ASB3: variants seen among roughly 807,000 people sequenced by gnomAD.
ASB3 encodes ankyrin repeat and SOCS box protein 3.
Under a neutral mutation model 54.5 loss-of-function variants are expected in ASB3, and 41 were observed. The ratio of observed to expected loss-of-function variants is 0.75; its 90% CI spans 0.59 to 0.98. ASB3 has a LOEUF of 0.98. Ranked by LOEUF, ASB3 falls within the 50% of genes least tolerant of loss-of-function variation. The probability of loss-of-function intolerance (pLI) is 0.00; values close to 1 mark genes in which losing one functional copy is unlikely to be tolerated. For missense variants in ASB3, 733 were observed against 620.0 expected (o/e 1.18, Z -1.94); for synonymous variants, 266 against 221.2 (o/e 1.20, Z -1.80).
intron 1 of ASB3, among the ~76,000 whole-genome samples, chr2:53,775,508 T>C (rs1674277609): frequency 6.6e-6 from 1 of 152,212 alleles, no homozygotes; most frequent in African/African-American, 2.4e-5. Flanking sequence ...GGAGTATCGC[T>C]CTGTTGCCTA....
chr2:53,761,268 G>A (rs1413032819), intron 2 of ASB3, among the ~76,000 whole-genome samples: 1 of 152,144 alleles, frequency 6.6e-6, no homozygotes, highest in Non-Finnish European at 1.5e-5. Context: ...TACAGCATGA[G>A]GTAAAGAAAT....
chr2:53,681,113 T>G (rs1421433589), intron 9 of ASB3, among the ~76,000 whole-genome samples: 1 of 152,224 alleles, frequency 6.6e-6, no homozygotes, highest in Non-Finnish European at 1.5e-5. Flanking sequence ...GTATCACAGT[T>G]TCTTTATCCA....
intron 7 of ASB3, among the ~76,000 whole-genome samples, chr2:53,702,643 C>T (rs1427230555): frequency 6.6e-6 from 1 of 152,078 alleles, no homozygotes; most frequent in South Asian, 2.1e-4. Flanking sequence ...ACATCAGATA[C>T]TGAGAGGAGA....
intron 9 of ASB3, among the ~76,000 whole-genome samples, chr2:53,683,377 T>C (rs531324613): frequency 4.9e-4 from 74 of 152,292 alleles, no homozygotes; most frequent in Non-Finnish European, 2.6e-4. Context: ...TAGTATTTTG[T>C]TGAGTATCAA....
intron 2 of ASB3, among the ~76,000 whole-genome samples, chr2:53,756,158 C>G (rs1346418446): frequency 6.6e-6 from 1 of 151,650 alleles, no homozygotes; most frequent in South Asian, 2.1e-4. Context: ...AGAGTAAGAC[C>G]CCATCTCTTT....
chr2:53,758,264 C>T (rs937127611), intron 2 of ASB3, among the ~76,000 whole-genome samples: 3 of 152,156 alleles, frequency 2.0e-5, no homozygotes, highest in East Asian at 1.9e-4. Context: ...CAGTAACCCA[C>T]GGAAAAAGGC....
intron 3 of ASB3, chr2:53,748,338 C>A (rs997408756): frequency 1.3e-4 from 20 of 152,066 alleles, no homozygotes; most frequent in Admixed American, 3.9e-4. Flanking sequence ...ATGGAGATTG[C>A]GTATAGCTGA....
At chr2:53,678,168 T>C (rs921734708) in intron 9 of ASB3, among the ~76,000 whole-genome samples, 24 of 151,940 alleles carry the variant, frequency 1.6e-4, no homozygotes, top group African/African-American at 5.1e-4. Flanking sequence ...TGCATGTGTG[T>C]GCCTAAAATT....
intron 7 of ASB3, among the ~76,000 whole-genome samples, chr2:53,709,769 C>T (rs1051673131): frequency 6.6e-6 from 1 of 152,164 alleles, no homozygotes; most frequent in Non-Finnish European, 1.5e-5. Flanking sequence ...TTTCCTCCTC[C>T]TATTTGTGCT....
intron 1 of ASB3, chr2:53,767,640 G>T (rs1014020542): frequency 1.8e-5 from 9 of 505,358 alleles, no homozygotes; most frequent in African/African-American, 1.3e-4. Flanking sequence ...TGCTGCAAAA[G>T]AATCCATTGC....
chr2:53,730,172 C>T (rs868360459), intron 3 of ASB3, among the ~76,000 whole-genome samples: 2 of 152,086 alleles, frequency 1.3e-5, no homozygotes, highest in Non-Finnish European at 2.9e-5. Context: ...CAAAACTTTG[C>T]TATGAAGGTG....
chr2:53,744,384 C>CAAA lies in ASB3; in HGVS notation c.355+6396_355+6398dup, dbSNP rs779225958. 1.3e-4 allele frequency among the ~76,000 whole-genome samples: 18 copies of CAAA among 139,950 alleles called. 1 individual carries two copies. Among genetic ancestry groups the CAAA allele is most frequent in the East Asian group, 1.1e-3 (5 of 4,690 alleles). The allele number at this position is 139,950 out of a possible 152,430, so 91.8% of individuals were successfully genotyped here. ...GGGCAGACAGAGCGAGACTCTGTCT[C>CAAA]AAAAAAATAAATAAAAAAATTAAAA... is the stretch of plus-strand genomic sequence containing the variant. On this transcript the variant is annotated intron_variant, in intron 3 of 9. Transcript: ENST00000263634.
intron 1 of ASB3, among the ~76,000 whole-genome samples, chr2:53,769,412 T>G (rs1225243771): frequency 6.6e-6 from 1 of 152,248 alleles, no homozygotes; most frequent in Admixed American, 6.5e-5. Context: ...TATTTATGTA[T>G]GTGGCTATAA....
intron 7 of ASB3, among the ~76,000 whole-genome samples, chr2:53,702,992 A>G (rs528201036): frequency 1.2e-4 from 18 of 152,254 alleles, no homozygotes; most frequent in Admixed American, 3.3e-4. Flanking sequence ...CCCACACGAT[A>G]TGGTGGCTAG....
chr2:53,735,211 C>T (rs577023779), intron 3 of ASB3, among the ~76,000 whole-genome samples: 1 of 152,186 alleles, frequency 6.6e-6, no homozygotes, highest in African/African-American at 2.4e-5. Flanking sequence ...TGAGCCACCA[C>T]GCCCGGCCTA....
intron 3 of ASB3, among the ~76,000 whole-genome samples, chr2:53,732,078 C>A (rs1338301156): frequency 6.6e-6 from 1 of 152,132 alleles, no homozygotes; most frequent in African/African-American, 2.4e-5. Context: ...TCTGCCTCAA[C>A]CTCCCGAGTA....
chr2:53,731,849 C>T (rs1671337100), intron 3 of ASB3, among the ~76,000 whole-genome samples: 1 of 152,168 alleles, frequency 6.6e-6, no homozygotes, highest in African/African-American at 2.4e-5. Context: ...GATAGCGTCT[C>T]ACCATGTTGG....
Position 53,683,414 on chromosome 2 carries a change from T to TG in ASB3, c.1369+10469dup, listed in dbSNP as rs1553369448. 9.7e-3 allele frequency among the ~76,000 whole-genome samples: 1,434 copies of TG among 147,900 alleles called. 24 individuals carry two copies. The highest frequency in any genetic ancestry group is 0.032 in the African/African-American group (1,311 of 40,868). On this transcript the variant is annotated intron_variant, in intron 9 of 9. Coordinates refer to ENST00000263634, the MANE Select transcript of ASB3 (RefSeq NM_016115.5). ...ATTCATCAGGGATACTGGCCTGTAGTGTTTTTTTTTTGGTTTTGTTTTGTT... is the reference window on the plus strand; with the variant it reads ...ATTCATCAGGGATACTGGCCTGTAGTGGTTTTTTTTTTGGTTTTGTTTTGTT...
At chr2:53,767,009 A>C (rs1334777432) in intron 1 of ASB3, among the ~76,000 whole-genome samples, 1 of 152,332 alleles carries the variant, frequency 6.6e-6, no homozygotes, top group East Asian at 1.9e-4. Context: ...CAAGAGCTCT[A>C]ATGAGCAGAT....
Sources: allele counts gnomAD v4.1 joint callset (sites outside exome capture counted in the v4.1 genomes callset), GRCh38; gene constraint gnomAD v4.1.1; transcripts MANE v1.5; gene names NCBI Gene and HGNC (gene_info 2026-07-23, HGNC 2026-07-21).